ARPP21: variants seen among roughly 807,000 people sequenced by gnomAD.
ARPP21 encodes cAMP-regulated phosphoprotein 21.
In ARPP21, 69 loss-of-function variants were observed where a neutral mutation model predicts 113.2. The observed-to-expected ratio is 0.61, with a 90% confidence interval of 0.50 to 0.74. ARPP21 has a LOEUF of 0.74. ARPP21 is among the 30% of genes least tolerant of loss of function. ARPP21 has a pLI of 0.00. For missense variants in ARPP21, 1,070 were observed against 1,037.4 expected (o/e 1.03, Z -0.43); for synonymous variants, 368 against 375.5 (o/e 0.98, Z 0.23).
intron 1 of ARPP21, among the ~76,000 whole-genome samples, chr3:35,656,117 AAAG>A (rs1704756393): frequency 6.6e-6 from 1 of 152,098 alleles, no homozygotes; most frequent in African/African-American, 2.4e-5. Flanking sequence ...ACATATTTTT[AAAG>A]GAGTAGATGA....
At chr3:35,791,562 A>G (rs540921933) in intron 19 of ARPP21, among the ~76,000 whole-genome samples, 1 of 152,336 alleles carries the variant, frequency 6.6e-6, no homozygotes, top group African/African-American at 2.4e-5. Flanking sequence ...TAAACCACTC[A>G]TTGAAGTGAG....
intron 19 of ARPP21, among the ~76,000 whole-genome samples, chr3:35,749,859 T>TG (rs2095336559): frequency 2.6e-5 from 4 of 152,148 alleles, no homozygotes; most frequent in Non-Finnish European, 5.9e-5. Context: ...ATTGATAGTT[T>TG]TATTTCTTTA....
intron 1 of ARPP21, among the ~76,000 whole-genome samples, chr3:35,677,188 C>T (rs17033675): frequency 0.055 from 8,420 of 151,940 alleles, 781 homozygotes; most frequent in African/African-American, 0.19. Context: ...ATTTCCCTTT[C>T]ATCGGTGAAC....
intron 19 of ARPP21, among the ~76,000 whole-genome samples, chr3:35,790,993 T>C (rs2096735844): frequency 6.6e-6 from 1 of 152,166 alleles, no homozygotes; most frequent in South Asian, 2.1e-4. Context: ...CCAAGCTTGC[T>C]CTCCAATTCT....
intron 19 of ARPP21, among the ~76,000 whole-genome samples, chr3:35,762,340 T>G (rs2095814041): frequency 6.6e-6 from 1 of 152,070 alleles, no homozygotes; most frequent in South Asian, 2.1e-4. Flanking sequence ...GTGATTAATA[T>G]CAGAGAAGTG....
chr3:35,703,388 A>G (rs2087300180), intron 9 of ARPP21, among the ~76,000 whole-genome samples: 2 of 151,906 alleles, frequency 1.3e-5, no homozygotes, highest in South Asian at 4.1e-4. Flanking sequence ...AGGAACAATG[A>G]AGAATTAATT....
intron 19 of ARPP21, among the ~76,000 whole-genome samples, chr3:35,768,033 G>C (rs570123777): frequency 6.7e-6 from 1 of 149,778 alleles, no homozygotes; most frequent in Non-Finnish European, 1.5e-5. Flanking sequence ...CCCAATAAAC[G>C]CATCCAGCTC....
At chr3:35,789,763 A>C (rs2096710510) in intron 19 of ARPP21, among the ~76,000 whole-genome samples, 1 of 152,178 alleles carries the variant, frequency 6.6e-6, no homozygotes, top group East Asian at 1.9e-4. Context: ...GGGCCACCCA[A>C]CCTGCCCACT....
At chr3:35,763,729 G>A (rs1408755169) in intron 19 of ARPP21, among the ~76,000 whole-genome samples, 1 of 152,114 alleles carries the variant, frequency 6.6e-6, no homozygotes, top group African/African-American at 2.4e-5. Flanking sequence ...TCTGGGTAGG[G>A]CCATCCTACA....
intron 10 of ARPP21, among the ~76,000 whole-genome samples, chr3:35,708,754 C>A (rs981791483): frequency 6.6e-6 from 1 of 152,214 alleles, no homozygotes; most frequent in Non-Finnish European, 1.5e-5. Context: ...CAGTGAGGAA[C>A]CAACCAGCAG....
chr3:35,683,075 G>A (rs536544928), intron 4 of ARPP21, among the ~76,000 whole-genome samples, 186 bp downstream of exon 4: 4 of 151,676 alleles, frequency 2.6e-5, no homozygotes, highest in Admixed American at 1.3e-4. Flanking sequence ...TTATGGCACT[G>A]CATATTTTTT....
chr3:35,738,136 A>G, intron 16 of ARPP21, 78 bp from the exon 17 acceptor site: 1 of 892,778 alleles, frequency 1.1e-6, no homozygotes, highest in South Asian at 1.5e-5. Flanking sequence ...AGAGCCTATG[A>G]AGGACAGTGG....
chr3:35,784,081 A>G (rs2096581695), intron 19 of ARPP21, among the ~76,000 whole-genome samples: 1 of 152,180 alleles, frequency 6.6e-6, no homozygotes, highest in Non-Finnish European at 1.5e-5. Context: ...ATCCAAGTGT[A>G]CTGCAAGATT....
chr3:35,673,460 T>A (rs1414142297), intron 1 of ARPP21, among the ~76,000 whole-genome samples: 1 of 152,022 alleles, frequency 6.6e-6, no homozygotes, highest in African/African-American at 2.4e-5. Context: ...TGATTCCTTT[T>A]TAAAAGGTTT....
At chr3:35,705,506 A>G (rs895734653) in intron 9 of ARPP21, among the ~76,000 whole-genome samples, 1 of 152,182 alleles carries the variant, frequency 6.6e-6, no homozygotes, top group Non-Finnish European at 1.5e-5. Flanking sequence ...GAAAAGTAGG[A>G]TAATTTGATG....
chr3:35,649,347 A>G (rs993567270), intron 1 of ARPP21, among the ~76,000 whole-genome samples: 21 of 152,186 alleles, frequency 1.4e-4, no homozygotes, highest in Non-Finnish European at 2.8e-4. Flanking sequence ...ATCTCAGACA[A>G]TGACTAGGGA....
rs541016209 is a variant in ARPP21 at position 35,741,423 on chromosome 3, C to T, written c.2010+1846C>T. On this transcript the variant is annotated intron_variant, in intron 18 of 20. Coordinates refer to ENST00000684406, the MANE Select transcript of ARPP21 (RefSeq NM_001385562.1). Reference sequence around the variant, plus strand: ...AACATTTTAAAATCTGATTACCCAACTATGGAACAATGGAAATAACTTAGT... The same window carrying T: ...AACATTTTAAAATCTGATTACCCAATTATGGAACAATGGAAATAACTTAGT... Among the ~76,000 whole-genome samples the T allele has an allele frequency of 7.9e-5, 12 of 152,250 alleles. No individual in the cohort carries two copies. The South Asian group carries it at 2.5e-3, about 32-fold the overall frequency.
At chr3:35,780,531 C>G (rs944119538) in intron 19 of ARPP21, among the ~76,000 whole-genome samples, 7 of 151,960 alleles carry the variant, frequency 4.6e-5, no homozygotes, top group Non-Finnish European at 8.8e-5. Context: ...TAGAGATGGC[C>G]TCCCCCGCAG....
chr3:35,742,316 G>A (rs1256661016), intron 18 of ARPP21, among the ~76,000 whole-genome samples: 5 of 152,172 alleles, frequency 3.3e-5, no homozygotes, highest in African/African-American at 4.8e-5. Context: ...ATATTGGGAG[G>A]CATCTGATGC....
Sources: gnomAD v4.1 joint callset for allele counts (sites outside exome capture counted in the v4.1 genomes callset) on GRCh38, gnomAD v4.1.1 for gene constraint, MANE v1.5 for transcripts, NCBI Gene and HGNC (gene_info 2026-07-23, HGNC 2026-07-21) for gene names.